MCTP1: variants seen among roughly 807,000 people sequenced by gnomAD.
MCTP1 encodes the protein multiple C2 and transmembrane domain-containing protein 1.
MCTP1 carries 69 observed loss-of-function variants against 120.6 expected under a neutral mutation model. The observed-to-expected ratio is 0.57, with a 90% CI of 0.47 to 0.70. MCTP1 has a LOEUF of 0.70. Among genes scored for constraint, MCTP1 ranks in the 30% least tolerant of loss-of-function variants. MCTP1 has a pLI of 0.00. For missense variants in MCTP1, 1,203 were observed against 1,248.8 expected, an observed-to-expected ratio of 0.96 and a Z score of 0.55; for synonymous variants, 529 against 493.1, an observed-to-expected ratio of 1.07 and a Z score of -0.96.
intron 10 of MCTP1, among the ~76,000 whole-genome samples, chr5:94,900,065 A>G (rs574801921): frequency 9.1e-4 from 139 of 152,322 alleles, no homozygotes; most frequent in African/African-American, 3.2e-3. Context: ...GCTAGTCAAC[A>G]GTACCCTCCA....
At chr5:95,198,009 G>A (rs77583016) in intron 1 of MCTP1, among the ~76,000 whole-genome samples, 11 of 152,168 alleles carry the variant, frequency 7.2e-5, no homozygotes, top group African/African-American at 1.7e-4. Context: ...ATGTCTGTAC[G>A]TGTTTAGTAC....
At chr5:94,897,507 C>T (rs763668061) in intron 10 of MCTP1, among the ~76,000 whole-genome samples, 84 of 152,238 alleles carry the variant, frequency 5.5e-4, no homozygotes, top group African/African-American at 2.0e-3. Context: ...CAGGTGCCCA[C>T]CACCATGCTC....
At chr5:95,028,260 T>G (rs1839652848) in intron 1 of MCTP1, among the ~76,000 whole-genome samples, 1 of 152,080 alleles carries the variant, frequency 6.6e-6, no homozygotes, top group East Asian at 1.9e-4. Flanking sequence ...TAAACTAGAA[T>G]GCATGGTTAT....
intron 17 of MCTP1, among the ~76,000 whole-genome samples, chr5:94,855,181 C>A (rs766844482): frequency 5.3e-5 from 8 of 151,754 alleles, no homozygotes; most frequent in Non-Finnish European, 1.0e-4. Context: ...TTTAACAAAC[C>A]CCTATTTTCT....
intron 3 of MCTP1, among the ~76,000 whole-genome samples, chr5:94,947,457 ATATACT>A (rs994676704): frequency 4.6e-5 from 7 of 150,734 alleles, no homozygotes; most frequent in African/African-American, 1.5e-4. Context: ...ATTAGTAATA[ATATACT>A]TATAATATCT....
At chr5:95,073,385 C>A (rs1385220885) in intron 1 of MCTP1, among the ~76,000 whole-genome samples, 1 of 152,090 alleles carries the variant, frequency 6.6e-6, no homozygotes, top group Non-Finnish European at 1.5e-5. Flanking sequence ...ACTAAGGGTA[C>A]CCATTCATTG....
At chr5:95,167,529 T>A (rs1746579177) in intron 1 of MCTP1, among the ~76,000 whole-genome samples, 1 of 152,168 alleles carries the variant, frequency 6.6e-6, no homozygotes, top group Non-Finnish European at 1.5e-5. Flanking sequence ...CCACCAACAG[T>A]GTAAAAGTGT....
At chr5:94,991,881 A>C (rs1284011703) in intron 2 of MCTP1, among the ~76,000 whole-genome samples, 2 of 150,714 alleles carry the variant, frequency 1.3e-5, no homozygotes, top group Non-Finnish European at 3.0e-5. Context: ...CCATCTCAAA[A>C]AAAAATAAAA....
At chr5:95,063,062 C>T in intron 1 of MCTP1, among the ~76,000 whole-genome samples, 1 of 152,308 alleles carries the variant, frequency 6.6e-6, no homozygotes, top group Non-Finnish European at 1.5e-5. Flanking sequence ...AAGCGATCCT[C>T]CCGCCTCGGC....
chr5:95,157,532 G>A (rs1051563299), intron 1 of MCTP1, among the ~76,000 whole-genome samples: 1 of 152,158 alleles, frequency 6.6e-6, no homozygotes, highest in Non-Finnish European at 1.5e-5. Context: ...TTAGCAACTT[G>A]TCCATGGTCA....
chr5:95,110,970 TAGG>T (rs1277772916), intron 1 of MCTP1, among the ~76,000 whole-genome samples: 2 of 152,196 alleles, frequency 1.3e-5, no homozygotes, highest in Non-Finnish European at 2.9e-5. Context: ...TTCCCAGTAG[TAGG>T]CTCCATGTGA....
Position 94,704,879 on chromosome 5 carries a change from A to G in MCTP1, c.*2617T>C, listed in dbSNP as rs2152507209. ...CTGAGTTGGGAGATTCAATCAATCA[A>G]TCAGTTTGAGTCTGGAACAGTACCA... On this transcript the variant is annotated 3_prime_UTR_variant, in exon 23 of 23. Transcript: ENST00000515393. 1 of 151,122 alleles carries G rather than the reference A, an allele frequency of 6.6e-6. No individual in the cohort carries two copies. Among genetic ancestry groups the G allele is most frequent in the Middle Eastern group, 3.4e-3 (1 of 292 alleles). 9.4% of individuals were successfully genotyped at this position (151,122 alleles called of 1,614,324 possible).
At chr5:94,888,830 C>T in intron 12 of MCTP1, 49 bp downstream of exon 12, 4 of 1,140,650 alleles carry the variant, frequency 3.5e-6, no homozygotes, top group Non-Finnish European at 5.3e-6. Context: ...TGGTGTAGAC[C>T]TTGTGTGCTG....
At chr5:95,103,601 G>A (rs1756894182) in intron 1 of MCTP1, among the ~76,000 whole-genome samples, 1 of 152,180 alleles carries the variant, frequency 6.6e-6, no homozygotes, top group Non-Finnish European at 1.5e-5. Flanking sequence ...CAATTTTCTT[G>A]GAAAGCAATC....
At chr5:95,108,151 G>A (rs1218070638) in intron 1 of MCTP1, among the ~76,000 whole-genome samples, 1 of 152,208 alleles carries the variant, frequency 6.6e-6, no homozygotes, top group Non-Finnish European at 1.5e-5. Flanking sequence ...ATACACTGGA[G>A]TTTATTTGCC....
At chr5:95,153,449 A>T (rs1744763490) in intron 1 of MCTP1, among the ~76,000 whole-genome samples, 1 of 152,220 alleles carries the variant, frequency 6.6e-6, no homozygotes, top group Non-Finnish European at 1.5e-5. Context: ...AACCAAACTG[A>T]ATCCTTGCCA....
chr5:95,069,925 G>A (rs1201369732), intron 1 of MCTP1, among the ~76,000 whole-genome samples: 2 of 151,976 alleles, frequency 1.3e-5, no homozygotes, highest in Non-Finnish European at 2.9e-5. Context: ...GGATGGTCTT[G>A]ATCTCCTGAC....
chr5:94,908,407 T>A (rs1807510442), intron 10 of MCTP1, among the ~76,000 whole-genome samples: 1 of 152,068 alleles, frequency 6.6e-6, no homozygotes, highest in African/African-American at 2.4e-5. Flanking sequence ...TGGATTGGAT[T>A]CCTGTTCTTA....
At chr5:94,785,212 C>A (rs1276531222) in intron 18 of MCTP1, among the ~76,000 whole-genome samples, 1 of 152,062 alleles carries the variant, frequency 6.6e-6, no homozygotes, top group Admixed American at 6.5e-5. Context: ...TCTTAAATTT[C>A]TTTTCATATT....
Sources: allele counts gnomAD v4.1 joint callset (sites outside exome capture counted in the v4.1 genomes callset), GRCh38; gene constraint gnomAD v4.1.1; transcripts MANE v1.5; gene names NCBI Gene and HGNC (gene_info 2026-07-23, HGNC 2026-07-21).